CCDC148: variants seen among roughly 807,000 people sequenced by gnomAD.
CCDC148 encodes coiled-coil domain-containing protein 148.
A neutral mutation model predicts 85.7 loss-of-function variants in CCDC148; 89 were observed. The observed-to-expected ratio is 1.04, with a 90% CI of 0.87 to 1.24. The LOEUF is 1.24. Among genes scored for constraint, CCDC148 ranks in the 50% most tolerant of loss-of-function variants. The pLI, the probability that CCDC148 is intolerant of heterozygous loss-of-function variation, is 0.00. For missense variants in CCDC148, 692 were observed against 671.7 expected (o/e 1.03, Z -0.33); for synonymous variants, 230 against 213.9 (o/e 1.08, Z -0.66).
At chr2:158,271,426 T>G (rs186951957) in intron 9 of CCDC148, among the ~76,000 whole-genome samples, 45 of 152,254 alleles carry the variant, frequency 3.0e-4, no homozygotes, top group Non-Finnish European at 4.6e-4. Flanking sequence ...GCGATGAAAT[T>G]TTGTGCCGTC....
At chr2:158,178,811 C>T (rs1470943725) in intron 12 of CCDC148, 68 bp downstream of exon 12, 4 of 1,073,524 alleles carry the variant, frequency 3.7e-6, no homozygotes, top group Non-Finnish European at 5.7e-6. Flanking sequence ...AGTAAGAATG[C>T]TATTAAGAGC....
chr2:158,253,208 G>T (rs1043269542), intron 9 of CCDC148, among the ~76,000 whole-genome samples: 3 of 151,676 alleles, frequency 2.0e-5, no homozygotes, highest in Non-Finnish European at 4.4e-5. Context: ...GAAGTATTTA[G>T]AACAAGATCA....
chr2:158,317,043 A>T (rs1209896811), intron 7 of CCDC148, among the ~76,000 whole-genome samples: 1 of 152,210 alleles, frequency 6.6e-6, no homozygotes, highest in Non-Finnish European at 1.5e-5. Flanking sequence ...GTTGAATTCA[A>T]CTGCTTTGCT....
intron 11 of CCDC148, among the ~76,000 whole-genome samples, chr2:158,217,699 C>T (rs1340622045): frequency 1.3e-5 from 2 of 151,570 alleles, no homozygotes; most frequent in South Asian, 2.1e-4. Context: ...CCACCGCACC[C>T]GGTCGAATAT....
intron 9 of CCDC148, among the ~76,000 whole-genome samples, chr2:158,280,356 A>G (rs1690216139): frequency 1.3e-5 from 2 of 152,216 alleles, no homozygotes; most frequent in Non-Finnish European, 2.9e-5. Context: ...GTCAAGACCC[A>G]TCAGTGTGTT....
chr2:158,444,227 G>T (rs1688065649), intron 1 of CCDC148, among the ~76,000 whole-genome samples: 1 of 151,910 alleles, frequency 6.6e-6, no homozygotes, highest in East Asian at 1.9e-4. Flanking sequence ...AGCAAACATG[G>T]TGAAATGACT....
At chr2:158,218,731 T>A (rs73966285) in intron 11 of CCDC148, among the ~76,000 whole-genome samples, 1,713 of 152,364 alleles carry the variant, frequency 0.011, 33 homozygotes, top group African/African-American at 0.038. Flanking sequence ...GGAATTCTTA[T>A]CCACCTACTT....
At chr2:158,331,461 T>C (rs1350294078) in intron 7 of CCDC148, among the ~76,000 whole-genome samples, 1 of 152,234 alleles carries the variant, frequency 6.6e-6, no homozygotes, top group Non-Finnish European at 1.5e-5. Flanking sequence ...TGTGGTGTGG[T>C]GCTGAGAAGA....
At position 158,193,333 on chromosome 2, in the gene CCDC148, C is replaced by A. The variant is rs182888327; in HGVS notation, c.1371-14337G>T. Among the ~76,000 whole-genome samples, 5 of 152,190 alleles carry A rather than the reference C, an allele frequency of 3.3e-5. No individual in the cohort carries two copies. The East Asian group carries it at 9.7e-4, about 29-fold the overall frequency. ...TGGCATAATTGTGAACAGAGACAAA[C>A]CTTTCTGCAAATAAGACAACTGTCA... On this transcript the variant is annotated intron_variant, in intron 11 of 13. Transcript: ENST00000283233.
intron 11 of CCDC148, among the ~76,000 whole-genome samples, chr2:158,198,911 C>T (rs1287997262): frequency 1.3e-5 from 2 of 152,136 alleles, no homozygotes; most frequent in African/African-American, 4.8e-5. Context: ...ATCAAACAAA[C>T]CTTGATTCTG....
intron 11 of CCDC148, among the ~76,000 whole-genome samples, chr2:158,190,520 C>T (rs956737347): frequency 6.6e-6 from 1 of 152,014 alleles, no homozygotes; most frequent in Non-Finnish European, 1.5e-5. Flanking sequence ...GCACCTGTCA[C>T]TTGCCATCAT....
At chr2:158,236,346 G>C (rs1559007158) in intron 10 of CCDC148, among the ~76,000 whole-genome samples, 1 of 152,116 alleles carries the variant, frequency 6.6e-6, no homozygotes, top group Admixed American at 6.5e-5. Flanking sequence ...GAAATGCCAG[G>C]TGGATTAAAA....
chr2:158,391,436 C>T (rs1441227241), intron 1 of CCDC148, among the ~76,000 whole-genome samples: 1 of 151,944 alleles, frequency 6.6e-6, no homozygotes, highest in Non-Finnish European at 1.5e-5. Flanking sequence ...ACATTTGCTA[C>T]CCAAGTAATG....
chr2:158,360,475 GAAGA>G (rs1683888105), intron 1 of CCDC148, among the ~76,000 whole-genome samples: 1 of 152,172 alleles, frequency 6.6e-6, no homozygotes, highest in South Asian at 2.1e-4. Context: ...CCAGAGGAAG[GAAGA>G]GGCAGCAACC....
chr2:158,283,659 C>G (rs1238678954), intron 9 of CCDC148, among the ~76,000 whole-genome samples: 3 of 151,962 alleles, frequency 2.0e-5, no homozygotes. Context: ...GAAATAGGAA[C>G]ACTTTTACAC....
At chr2:158,261,059 C>T (rs112295019) in intron 9 of CCDC148, among the ~76,000 whole-genome samples, 5 of 151,914 alleles carry the variant, frequency 3.3e-5, no homozygotes, top group Admixed American at 2.0e-4. Flanking sequence ...ATAGCCAAGA[C>T]AATCACAAGC....
intron 9 of CCDC148, among the ~76,000 whole-genome samples, chr2:158,276,806 C>A (rs968557844): frequency 6.6e-6 from 1 of 152,174 alleles, no homozygotes; most frequent in African/African-American, 2.4e-5. Context: ...TTTGAAAAGG[C>A]CACTTAGGTC....
chr2:158,427,385 C>G (rs1687124675), intron 1 of CCDC148, among the ~76,000 whole-genome samples: 1 of 151,986 alleles, frequency 6.6e-6, no homozygotes, highest in East Asian at 1.9e-4. Flanking sequence ...GACAAAGTGG[C>G]AGTGACATAA....
In CCDC148 at chr2:158,409,178, C is replaced by T. The variant is rs375104691; in HGVS notation, c.25+47237G>A. 7.2e-5 allele frequency among the ~76,000 whole-genome samples: 11 copies of T among 152,176 alleles called. No homozygotes were observed. In the East Asian group the frequency reaches 9.6e-4, roughly 13 times the overall value. On this transcript the variant is annotated intron_variant, in intron 1 of 13. Transcript: ENST00000283233. Reference sequence around the variant, plus strand: ...GGGAAACATGGGGTCAGAGCCCCCACGCAGAGTCCCTACTGGGGAACTGAC... The same window carrying T: ...GGGAAACATGGGGTCAGAGCCCCCATGCAGAGTCCCTACTGGGGAACTGAC...
Sources: gnomAD v4.1 joint callset for allele counts (sites outside exome capture counted in the v4.1 genomes callset) on GRCh38, gnomAD v4.1.1 for gene constraint, MANE v1.5 for transcripts, NCBI Gene and HGNC (gene_info 2026-07-23, HGNC 2026-07-21) for gene names.